The following SASH1 variants were observed in gnomAD, a reference collection of about 807,000 sequenced individuals.
SASH1 encodes the protein SAM and SH3 domain containing 1.
In SASH1, 44 loss-of-function variants were observed where a neutral mutation model predicts 125.2. That is an observed-to-expected ratio of 0.35 (90% confidence interval 0.28 to 0.45). The LOEUF (loss-of-function observed/expected upper bound fraction) is 0.45. SASH1 is among the 20% of genes least tolerant of loss of function. SASH1 has a pLI of 1.00. For missense variants in SASH1, 1,426 were observed against 1,614.5 expected (o/e 0.88, Z 2.00); for synonymous variants, 639 against 649.1 (o/e 0.98, Z 0.24).
At position 148,501,718 on chromosome 6, in the gene SASH1, G is replaced by A. The variant is rs1379435535; in HGVS notation, c.730-12606G>A. Among the ~76,000 whole-genome samples the A allele has an allele frequency of 5.3e-5, 8 of 152,090 alleles. 1 individual carries two copies. Among genetic ancestry groups the A allele is most frequent in the Admixed American group, 2.6e-4 (4 of 15,272 alleles). Reference sequence around the variant, plus strand: ...GAGTGAAGGAGAAGCCAGTCCTCTCGCCTCTACTTACCACTCTCTCCCCCC... The same window carrying A: ...GAGTGAAGGAGAAGCCAGTCCTCTCACCTCTACTTACCACTCTCTCCCCCC... On this transcript the variant is annotated intron_variant, in intron 8 of 19. Transcript: ENST00000367467.
chr6:148,270,086 G>A (rs553164653), upstream of SASH1, among the ~76,000 whole-genome samples: 6 of 152,310 alleles, frequency 3.9e-5, no homozygotes, highest in South Asian at 6.2e-4. Context: ...TGTATTCAAC[G>A]GGGCAGAATT....
chr6:148,349,789 G>A (rs17078259), intron 1 of SASH1, among the ~76,000 whole-genome samples: 12,305 of 152,040 alleles, frequency 0.081, 769 homozygotes, highest in East Asian at 0.32. Flanking sequence ...ATGCTCAAGA[G>A]TGGGCTGAGT....
At chr6:148,418,810 C>A (rs921709091) in intron 2 of SASH1, among the ~76,000 whole-genome samples, 1 of 132,174 alleles carries the variant, frequency 7.6e-6, no homozygotes, top group African/African-American at 2.9e-5. Flanking sequence ...GAGGAGGCAG[C>A]ATCTTTAATT....
Position 148,280,926 on chromosome 6 carries a change from G to GTTGTT in SASH1, n.74+8570_74+8574dup, listed in dbSNP as rs367756033. On this transcript the variant is annotated intron_variant and non_coding_transcript_variant, in intron 1 of 3. Coordinates refer to the SASH1 transcript ENST00000367469. ...GAAGAGTAGGGTTAAATGGAAGAGT[G>GTTGTT]TTGTTTTGTTTTGTTTTGTTTTGTT... 8.0e-4 allele frequency among the ~76,000 whole-genome samples: 121 copies of GTTGTT among 151,822 alleles called. 1 individual carries two copies. Among genetic ancestry groups the GTTGTT allele is most frequent in the African/African-American group, 1.8e-3 (76 of 41,422 alleles).
upstream of SASH1, among the ~76,000 whole-genome samples, chr6:148,338,260 C>G (rs1318999221): frequency 4.6e-5 from 7 of 151,850 alleles, no homozygotes; most frequent in African/African-American, 1.7e-4. Context: ...AATCCCGTCT[C>G]TACTAAAAAT....
Position 148,495,766 on chromosome 6 carries a change from G to A in SASH1, c.729+8051G>A, listed in dbSNP as rs189886204. On this transcript the variant is annotated intron_variant, in intron 8 of 19. Coordinates refer to ENST00000367467, the MANE Select transcript of SASH1 (RefSeq NM_015278.5). This position sits in a 1 kb window ranked among gnomAD's most constrained non-coding sequence, Gnocchi z 4.0. ...CACATACTGTAGTACTTCAGTCGGC[G>A]TTGTAGGTCCGGTGAAAGTATCCCC... Among the ~76,000 whole-genome samples the A allele has an allele frequency of 3.2e-3, 481 of 152,308 alleles. 1 individual carries two copies. Among genetic ancestry groups the A allele is most frequent in the Non-Finnish European group, 5.3e-3 (362 of 68,038 alleles).
chr6:148,255,629 C>CT, the SASH1 span, among the ~76,000 whole-genome samples: 4 of 150,992 alleles, frequency 2.6e-5, no homozygotes, highest in Non-Finnish European at 5.9e-5. Flanking sequence ...ATCACTGAGG[C>CT]TTTTTTTTTA....
At chr6:148,462,964 G>C (rs1342048881) in intron 4 of SASH1, among the ~76,000 whole-genome samples, 1 of 152,060 alleles carries the variant, frequency 6.6e-6, no homozygotes, top group African/African-American at 2.4e-5. Context: ...GGGGTAATGA[G>C]AGTATTGCAT....
At chr6:148,211,407 C>T in the SASH1 span, among the ~76,000 whole-genome samples, 1 of 149,532 alleles carries the variant, frequency 6.7e-6, no homozygotes. Context: ...CCCATCTCTA[C>T]TAATAATATA....
intron 2 of SASH1, among the ~76,000 whole-genome samples, chr6:148,438,762 A>G (rs1451607892): frequency 2.6e-5 from 4 of 151,492 alleles, no homozygotes; most frequent in Admixed American, 1.3e-4. Flanking sequence ...ACAAACAAAA[A>G]AAAAAACCAC....
At chr6:148,253,132 C>A in the SASH1 span, among the ~76,000 whole-genome samples, 1 of 152,128 alleles carries the variant, frequency 6.6e-6, no homozygotes, top group Non-Finnish European at 1.5e-5. Context: ...CCAAAACAGT[C>A]CTAAAAAAGA....
At chr6:148,377,900 G>A (rs1782975241) in intron 1 of SASH1, among the ~76,000 whole-genome samples, 1 of 152,122 alleles carries the variant, frequency 6.6e-6, no homozygotes, top group Non-Finnish European at 1.5e-5. Context: ...TACAGCCTGT[G>A]GGGTAGCTTT....
At chr6:148,513,813 G>C in intron 8 of SASH1, 1 of 986,230 alleles carries the variant, frequency 1.0e-6, no homozygotes, top group Non-Finnish European at 1.2e-6. Flanking sequence ...GGATGGAAGA[G>C]GCTGTTTGCA....
the SASH1 span, among the ~76,000 whole-genome samples, chr6:148,260,874 T>C: frequency 6.8e-6 from 1 of 146,310 alleles, no homozygotes; most frequent in Non-Finnish European, 1.5e-5. Flanking sequence ...CAATCTTGGC[T>C]CACTGCAACC....
rs1197647359 is a variant in SASH1, at chr6:148,343,114, A to AGCCTGAGCCCGT, written c.50_51insTGAGCCCGTGCC (p.Pro19_Glu20insValProGluPro). 1 of 1,585,186 alleles carries AGCCTGAGCCCGT rather than the reference A, an allele frequency of 6.3e-7. No homozygotes were observed. Among genetic ancestry groups the AGCCTGAGCCCGT allele is most frequent in the Non-Finnish European group, 8.5e-7 (1 of 1,172,998 alleles). On this transcript the variant is annotated inframe_insertion, in exon 1 of 20. Coordinates refer to ENST00000367467, the MANE Select transcript of SASH1 (RefSeq NM_015278.5). ...GGCCCGGGGCCGGAGCCTGAGCCCG[A>AGCCTGAGCCCGT]GCCCGAGCCGGAGCCCGAGCCCGCG...
chr6:148,473,843 C>CTT (rs1444368750), intron 6 of SASH1, among the ~76,000 whole-genome samples: 1 of 152,164 alleles, frequency 6.6e-6, no homozygotes, highest in Admixed American at 6.5e-5. Context: ...ACTGGGTACT[C>CTT]TATCTCAAAG....
At chr6:148,543,064 T>C (rs1583333855) in intron 17 of SASH1, among the ~76,000 whole-genome samples, 1 of 152,368 alleles carries the variant, frequency 6.6e-6, no homozygotes, top group African/African-American at 2.4e-5. Context: ...ACTAGGACTG[T>C]TGCTTTGCTG....
At chr6:148,401,899 G>A (rs1037175139) in intron 2 of SASH1, among the ~76,000 whole-genome samples, 5 of 152,080 alleles carry the variant, frequency 3.3e-5, no homozygotes, top group Admixed American at 1.3e-4. Flanking sequence ...GTCTTTGTTT[G>A]TATGTGTGTG....
chr6:148,416,346 A>C (rs1784815325), intron 2 of SASH1, among the ~76,000 whole-genome samples: 1 of 151,660 alleles, frequency 6.6e-6, no homozygotes, highest in Admixed American at 6.6e-5. Flanking sequence ...TCTGTATCCT[A>C]TTTAATAATC....
Sources: gnomAD v4.1 joint callset for allele counts (sites outside exome capture counted in the v4.1 genomes callset) on GRCh38, gnomAD v4.1.1 for gene constraint, Gnocchi (gnomAD v3.1) non-coding constraint, MANE v1.5 for transcripts, NCBI Gene and HGNC (gene_info 2026-07-23, HGNC 2026-07-21) for gene names.